FOXJ2: variants seen among roughly 807,000 people sequenced by gnomAD.
FOXJ2 encodes forkhead box protein J2.
FOXJ2 carries 18 observed loss-of-function variants against 68.4 expected under a neutral mutation model. The ratio of observed to expected loss-of-function variants is 0.26; its 90% CI spans 0.18 to 0.39. The LOEUF (loss-of-function observed/expected upper bound fraction) is 0.39. Ranked by LOEUF, FOXJ2 falls within the 10% of genes least tolerant of loss-of-function variation. FOXJ2 has a pLI of 1.00. For missense variants in FOXJ2, 670 were observed against 726.5 expected (o/e 0.92, Z 0.89); for synonymous variants, 274 against 263.2 (o/e 1.04, Z -0.40).
chr12:8,044,614 G>A, intron 5 of FOXJ2, 146 bp from the exon 6 acceptor site: 1 of 736,818 alleles, frequency 1.4e-6, no homozygotes, highest in Non-Finnish European at 2.2e-6. Context: ...AAGAACTAAT[G>A]AGGAAAGAAG....
At chr12:8,045,447 C>T (rs950114310) in intron 6 of FOXJ2, among the ~76,000 whole-genome samples, 3 of 152,146 alleles carry the variant, frequency 2.0e-5, no homozygotes, top group Non-Finnish European at 4.4e-5. Context: ...AACTCCTGAC[C>T]TCAGGTGATC....
chr12:8,042,082 C>T (rs888764252), intron 2 of FOXJ2, among the ~76,000 whole-genome samples: 8 of 151,884 alleles, frequency 5.3e-5, no homozygotes, highest in Non-Finnish European at 8.8e-5. Context: ...TTCACCATGT[C>T]GGCTAGGCTG....
At chr12:8,048,896 A>C in intron 8 of FOXJ2, 98 bp downstream of exon 8, 1 of 892,830 alleles carries the variant, frequency 1.1e-6, no homozygotes, top group South Asian at 1.4e-5. Flanking sequence ...AAGTTGCAGA[A>C]ATGAGGATTT....
chr12:8,047,848 T>C, intron 6 of FOXJ2, 34 bp from the exon 7 acceptor site: 2 of 1,546,344 alleles, frequency 1.3e-6, no homozygotes, highest in Admixed American at 1.9e-5. Flanking sequence ...AATGCATTGC[T>C]TAAGTCACTT....
intron 8 of FOXJ2, 108 bp from the exon 9 acceptor site, chr12:8,049,254 T>G: frequency 3.8e-6 from 3 of 798,654 alleles, no homozygotes; most frequent in Non-Finnish European, 6.2e-6. Flanking sequence ...TAGTGCCCGT[T>G]ATCAGTGGGG....
intron 10 of FOXJ2, among the ~76,000 whole-genome samples, chr12:8,050,909 T>TCCCCTTCCCTTC (rs1237537712): frequency 3.9e-5 from 3 of 77,516 alleles, no homozygotes; most frequent in African/African-American, 1.8e-4. Flanking sequence ...CCCCTTCCCT[T>TCCCCTTCCCTTC]CCCTTTCCTT....
At chr12:8,051,330 A>T (rs775895522) in intron 10 of FOXJ2, among the ~76,000 whole-genome samples, 1 of 152,080 alleles carries the variant, frequency 6.6e-6, no homozygotes, top group African/African-American at 2.4e-5. Flanking sequence ...GGGTTTTGCC[A>T]TGTTGGCTAG....
chr12:8,044,063 G>T lies in FOXJ2; in HGVS notation c.590G>T (p.Ser197Ile). The T allele has an allele frequency of 2.6e-6, 4 of 1,566,662 alleles. No homozygotes were observed. Among genetic ancestry groups the T allele is most frequent in the Non-Finnish European group, 2.6e-6 (3 of 1,158,490 alleles). ...PEGNPQMSLQ[S>I]PTSIASYSQG... ...GGGAATCCGCAGATGTCACTTCAGA[G>T]CCCCACATCTATAGCCAGCTACAGC... Residue 197 changes from serine to isoleucine, a missense_variant, in exon 5 of 11, where the codon AGC becomes ATC. Coordinates refer to ENST00000162391, the MANE Select transcript of FOXJ2 (RefSeq NM_018416.3).
In FOXJ2 at chr12:8,040,102, C is replaced by T. The variant is rs1392174554; in HGVS notation, c.270C>T (p.Ser90=). Residue 90 remains serine (S), a synonymous_variant, in exon 2 of 11, where the codon AGC becomes AGT. Coordinates refer to ENST00000162391, the MANE Select transcript of FOXJ2 (RefSeq NM_018416.3). The surrounding 1 kb of genome is among the most constrained non-coding windows in gnomAD (Gnocchi z 4.0). Reference sequence around the variant, plus strand: ...CTCCAGCCAAGAAGATGACCCTCAGCGAGATTTACCGCTGGATCTGTGATA... The same window carrying T: ...CTCCAGCCAAGAAGATGACCCTCAGTGAGATTTACCGCTGGATCTGTGATA... The part of the protein sequence containing the change: ...NSSPAKKMTL[S]EIYRWICDNF... 14 of 1,614,034 alleles carry T rather than the reference C, an allele frequency of 8.7e-6. No homozygotes were observed. Among genetic ancestry groups the T allele is most frequent in the South Asian group, 3.3e-5 (3 of 91,094 alleles).
chr12:8,033,029 C>T lies in FOXJ2; in HGVS notation c.-819C>T. On this transcript the variant is annotated 5_prime_UTR_variant, in exon 1 of 11. Transcript: ENST00000162391. ...GCGGGAGCGGGGACGCGAGCAACCT[C>T]TCCCCCTGTTGGAGAGAAAAGACCC... 2.5e-6 allele frequency: 1 copy of T among 396,118 alleles called. No homozygotes were observed. The highest frequency in any genetic ancestry group is 4.4e-6 in the Non-Finnish European group (1 of 224,980). The allele number at this position is 396,118 out of a possible 1,614,324, so 24.5% of individuals were successfully genotyped here.
chr12:8,038,724 A>G lies in FOXJ2; in HGVS notation c.-14-1095A>G, dbSNP rs1387087857. Among the ~76,000 whole-genome samples, 1 of 152,220 alleles carries G rather than the reference A, an allele frequency of 6.6e-6. No homozygotes were observed. Among genetic ancestry groups the G allele is most frequent in the Non-Finnish European group, 1.5e-5 (1 of 68,046 alleles). Reference sequence around the variant, plus strand: ...CTTCCCTCGCAAGATGTCACTAGCTATACCTCTCTGCTGGCAAGAGTGCCC... The same window carrying G: ...CTTCCCTCGCAAGATGTCACTAGCTGTACCTCTCTGCTGGCAAGAGTGCCC... On this transcript the variant is annotated intron_variant, in intron 1 of 10. Coordinates refer to ENST00000162391, the MANE Select transcript of FOXJ2 (RefSeq NM_018416.3). This position sits in a 1 kb window ranked among gnomAD's most constrained non-coding sequence, Gnocchi z 5.3.
rs767050331 is a variant in FOXJ2, at chr12:8,033,822, C to G, written c.-26C>G. 1 of 152,708 alleles carries G rather than the reference C, an allele frequency of 6.5e-6. No homozygotes were observed. The highest frequency in any genetic ancestry group is 2.4e-5 in the African/African-American group (1 of 41,452). 9.5% of individuals were successfully genotyped at this position (152,708 alleles called of 1,614,324 possible). A position where few individuals can be genotyped will look rare whatever the true frequency, so the allele number is the denominator to read the frequency against. ...TGGTTCCCTCCCTTTGCCGGAGGAA[C>G]CTTGGAGACAGGTTAGTGCTTTCTT... On this transcript the variant is annotated 5_prime_UTR_variant, in exon 1 of 11. Coordinates refer to ENST00000162391, the MANE Select transcript of FOXJ2 (RefSeq NM_018416.3).
At position 8,044,961 on chromosome 12, in the gene FOXJ2, G is replaced by A; in HGVS notation, c.817+3G>A. 1 of 1,614,174 alleles carries A rather than the reference G, an allele frequency of 6.2e-7. No individual in the cohort carries two copies. Among genetic ancestry groups the A allele is most frequent in the Non-Finnish European group, 8.5e-7 (1 of 1,179,988 alleles). On this transcript the variant is annotated splice_donor_region_variant and intron_variant, in intron 6 of 10. Coordinates refer to ENST00000162391, the MANE Select transcript of FOXJ2 (RefSeq NM_018416.3). ...GTCCTCTTCCTCCTCTCAGCACGGT[G>A]AGTCTGGAGTTGGGATGGGTGCAGG...
At chr12:8,039,602 G>C (rs944104571) in intron 1 of FOXJ2, among the ~76,000 whole-genome samples, 5 of 152,124 alleles carry the variant, frequency 3.3e-5, no homozygotes, top group Admixed American at 2.6e-4. Context: ...ACATGGAGAG[G>C]CCCCTTGGCC....
rs766387610 is a variant in FOXJ2, at chr12:8,053,757, G to C, written c.*907G>C. The C allele has an allele frequency of 2.0e-5, 3 of 152,282 alleles. No homozygotes were observed. In the South Asian group the frequency reaches 6.2e-4, roughly 32 times the overall value. The allele number at this position is 152,282 out of a possible 1,614,324, so 9.4% of individuals were successfully genotyped here. A position where few individuals can be genotyped will look rare whatever the true frequency, so the allele number is the denominator to read the frequency against. On this transcript the variant is annotated 3_prime_UTR_variant, in exon 11 of 11. Coordinates refer to ENST00000162391, the MANE Select transcript of FOXJ2 (RefSeq NM_018416.3). The surrounding 1 kb of genome is among the most constrained non-coding windows in gnomAD (Gnocchi z 4.1). ...TGGCTTTTTAAACATAATTTTCTCTGAAAATTAATTGTGGCTCTTATTTGC... is the reference window on the plus strand; with the variant it reads ...TGGCTTTTTAAACATAATTTTCTCTCAAAATTAATTGTGGCTCTTATTTGC...
intron 5 of FOXJ2, among the ~76,000 whole-genome samples, chr12:8,044,321 T>C (rs1244409348): frequency 6.6e-6 from 1 of 152,188 alleles, no homozygotes; most frequent in African/African-American, 2.4e-5. Context: ...ATGCCTGTAA[T>C]GTCAGCACTT....
intron 10 of FOXJ2, 105 bp downstream of exon 10, chr12:8,050,725 T>C: frequency 7.9e-7 from 1 of 1,270,696 alleles, no homozygotes; most frequent in Non-Finnish European, 1.1e-6. Flanking sequence ...TGCATCTCGC[T>C]GGAGGGAATG....
chr12:8,044,210 G>C (rs1000685394), intron 5 of FOXJ2, 119 bp downstream of exon 5: 6 of 1,203,574 alleles, frequency 5.0e-6, no homozygotes, highest in East Asian at 5.4e-5. Flanking sequence ...AAATTGAGAA[G>C]GAAGGGGAAG....
intron 1 of FOXJ2, among the ~76,000 whole-genome samples, chr12:8,034,096 T>C (rs1325381070): frequency 6.6e-6 from 1 of 152,190 alleles, no homozygotes; most frequent in African/African-American, 2.4e-5. Context: ...GTTTTCATGC[T>C]GAGGAAAAGG....
Sources: gnomAD v4.1 joint callset for allele counts (sites outside exome capture counted in the v4.1 genomes callset) on GRCh38, gnomAD v4.1.1 for gene constraint, Gnocchi (gnomAD v3.1) non-coding constraint, MANE v1.5 for transcripts, NCBI Gene and HGNC (gene_info 2026-07-23, HGNC 2026-07-21) for gene names.